Variants in PGLYRP4 observed in about 807,000 individuals in gnomAD.
The protein encoded by PGLYRP4 is peptidoglycan recognition protein 4.
PGLYRP4 carries 39 observed loss-of-function variants against 41.2 expected under a neutral mutation model. The ratio of observed to expected loss-of-function variants is 0.95; its 90% CI spans 0.73 to 1.24. PGLYRP4 has a LOEUF of 1.24. Ranked by LOEUF, PGLYRP4 falls within the 50% of genes most tolerant of loss-of-function variation. The probability of loss-of-function intolerance (pLI) is 0.00; values close to 1 mark genes in which losing one functional copy is unlikely to be tolerated. For missense variants in PGLYRP4, 467 were observed against 460.7 expected (o/e 1.01, Z -0.13); for synonymous variants, 202 against 186.8 (o/e 1.08, Z -0.66).
chr1:153,336,389 A>C (rs1040190427), intron 8 of PGLYRP4, among the ~76,000 whole-genome samples: 29 of 141,334 alleles, frequency 2.1e-4, no homozygotes, highest in Non-Finnish European at 6.3e-5. Context: ...AAAAAAAAAA[A>C]AAACAAAGAA....
intron 2 of PGLYRP4, 94 bp from the exon 3 acceptor site, chr1:153,346,285 CT>C (rs1369538815): frequency 3.4e-6 from 3 of 880,092 alleles, no homozygotes; most frequent in Non-Finnish European, 3.8e-6. Context: ...CCCCTCTCCA[CT>C]GCCCCTCTGC....
intron 4 of PGLYRP4, among the ~76,000 whole-genome samples, chr1:153,344,598 A>G (rs1660925680): frequency 6.6e-6 from 1 of 152,216 alleles, no homozygotes; most frequent in South Asian, 2.1e-4. Context: ...ACAGCTAGCC[A>G]AAGTCAGAGG....
intron 2 of PGLYRP4, 27 bp downstream of exon 2, chr1:153,347,857 T>C (rs752859704): frequency 1.3e-6 from 2 of 1,557,070 alleles, no homozygotes; most frequent in Admixed American, 3.4e-5. Flanking sequence ...TCTCGGTTGC[T>C]TTTTGGCCCA....
At chr1:153,345,043 T>G (rs1660944120) in intron 4 of PGLYRP4, 126 bp downstream of exon 4, 3 of 698,846 alleles carry the variant, frequency 4.3e-6, no homozygotes. Context: ...TTTAAATATT[T>G]TATTCATTAT....
intron 8 of PGLYRP4, among the ~76,000 whole-genome samples, chr1:153,335,794 G>C (rs952994186): frequency 6.6e-6 from 1 of 152,052 alleles, no homozygotes; most frequent in Non-Finnish European, 1.5e-5. Flanking sequence ...AGAGAAAAGG[G>C]AATGCTTACA....
At chr1:153,344,253 T>C (rs1660912946) in intron 4 of PGLYRP4, among the ~76,000 whole-genome samples, 1 of 152,218 alleles carries the variant, frequency 6.6e-6, no homozygotes, top group Non-Finnish European at 1.5e-5. Flanking sequence ...TTCATGGTTC[T>C]TTCCTCTTTA....
chr1:153,337,120 A>G lies in PGLYRP4; in HGVS notation c.943+61T>C, dbSNP rs914360427. On this transcript the variant is annotated intron_variant, in intron 8 of 8. Transcript: ENST00000359650. ...GCTTGAGACTGAGACTTTGTCTTCC[A>G]TGTCAGATGCTCTCTTTCAAATACC... is the stretch of plus-strand genomic sequence containing the variant. 1.2e-5 allele frequency: 14 copies of G among 1,180,154 alleles called. No individual in the cohort carries two copies. The Admixed American group carries it at 2.4e-4, about 20-fold the overall frequency. The allele number at this position is 1,180,154 out of a possible 1,614,324, so 73.1% of individuals were successfully genotyped here. A position where few individuals can be genotyped will look rare whatever the true frequency, so the allele number is the denominator to read the frequency against.
intron 8 of PGLYRP4, among the ~76,000 whole-genome samples, chr1:153,334,105 C>T (rs1660441063): frequency 6.6e-6 from 1 of 152,026 alleles, no homozygotes; most frequent in African/African-American, 2.4e-5. Flanking sequence ...AAGAGGAAGT[C>T]AAATCATCTC....
chr1:153,348,022 T>C (rs1327078844), intron 1 of PGLYRP4, 44 bp from the exon 2 acceptor site: 1 of 1,097,220 alleles, frequency 9.1e-7, no homozygotes, highest in South Asian at 1.3e-5. Flanking sequence ...ATTCTCAATC[T>C]GCAGAGCATC....
In PGLYRP4 at chr1:153,345,311, G is replaced by C; in HGVS notation, c.211C>G (p.Gln71Glu). Residue 71 changes from glutamine (Q) to glutamate (E), a missense_variant, in exon 4 of 9, where the codon CAG becomes GAG. Physicochemically the swap from Gln to Glu is conservative, Grantham distance 29. Coordinates refer to ENST00000359650, the MANE Select transcript of PGLYRP4 (RefSeq NM_020393.4). ...AGGACATTCACTGGCGTGGTCAGCT[G>C]AATACTGCAGCCAACAGCTTCTGCC... ...WGAEAVGCSI[Q>E]LTTPVNVLVI... 5 of 1,614,172 alleles carry C rather than the reference G, an allele frequency of 3.1e-6. No individual in the cohort carries two copies. The highest frequency in any genetic ancestry group is 4.2e-6 in the Non-Finnish European group (5 of 1,180,024).
intron 8 of PGLYRP4, among the ~76,000 whole-genome samples, chr1:153,332,003 C>T (rs1159373009): frequency 6.6e-6 from 1 of 152,146 alleles, no homozygotes; most frequent in Non-Finnish European, 1.5e-5. Context: ...CTAAAGGCTT[C>T]ACTTAAAAAA....
At chr1:153,341,561 T>G in intron 6 of PGLYRP4, 66 bp downstream of exon 6, 6 of 1,403,006 alleles carry the variant, frequency 4.3e-6, no homozygotes, top group Non-Finnish European at 4.9e-6. Flanking sequence ...TCACTCCCAA[T>G]GGTATTTGCG....
chr1:153,338,335 G>T (rs543254544), intron 7 of PGLYRP4, among the ~76,000 whole-genome samples: 1 of 152,104 alleles, frequency 6.6e-6, no homozygotes, highest in Non-Finnish European at 1.5e-5. Context: ...ACTTATCTCT[G>T]TAACCTCTGC....
intron 6 of PGLYRP4, 34 bp from the exon 7 acceptor site, chr1:153,340,613 C>T: frequency 6.2e-7 from 1 of 1,600,280 alleles, no homozygotes; most frequent in Non-Finnish European, 8.5e-7. Flanking sequence ...GAGGGTTCAT[C>T]TTCCCCATCT....
rs1660996718 is a variant in PGLYRP4 at position 153,346,088 on chromosome 1, C to T, written c.139+14G>A. 3.8e-6 allele frequency: 6 copies of T among 1,591,830 alleles called. No homozygotes were observed. The highest frequency in any genetic ancestry group is 3.4e-6 in the Non-Finnish European group (4 of 1,159,822). ...CTCGTCCCAAAACCCCCTTACTATC[C>T]AGATCCAGTTTACCTTTTTCAGTGA... is the stretch of plus-strand genomic sequence containing the variant. On this transcript the variant is annotated intron_variant, in intron 3 of 8. Transcript: ENST00000359650.
chr1:153,340,618 C>G (rs766654096), intron 6 of PGLYRP4, 39 bp from the exon 7 acceptor site: 1 of 1,590,902 alleles, frequency 6.3e-7, no homozygotes, highest in Non-Finnish European at 8.6e-7. Flanking sequence ...TTCATCTTCC[C>G]CATCTATGCC....
At chr1:153,337,046 G>T in intron 8 of PGLYRP4, 135 bp downstream of exon 8, 1 of 765,104 alleles carries the variant, frequency 1.3e-6, no homozygotes, top group South Asian at 1.4e-5. Context: ...TGAGTCAAAT[G>T]TTGGATTGGA....
intron 8 of PGLYRP4, among the ~76,000 whole-genome samples, chr1:153,332,309 G>A (rs1660373963): frequency 6.6e-6 from 1 of 152,016 alleles, no homozygotes; most frequent in South Asian, 2.1e-4. Context: ...TATATATAAT[G>A]CAACATTAAT....
chr1:153,340,766 A>G (rs1330271069), intron 6 of PGLYRP4, among the ~76,000 whole-genome samples, 187 bp from the exon 7 acceptor site: 4 of 151,414 alleles, frequency 2.6e-5, no homozygotes, highest in African/African-American at 7.3e-5. Flanking sequence ...GCAGTGGGAC[A>G]TGGACATTTT....
Sources: allele counts gnomAD v4.1 joint callset (sites outside exome capture counted in the v4.1 genomes callset), GRCh38; gene constraint gnomAD v4.1.1; transcripts MANE v1.5; gene names NCBI Gene and HGNC (gene_info 2026-07-23, HGNC 2026-07-21).